The following SNX2 variants were observed in gnomAD, a reference collection of about 807,000 sequenced individuals.
SNX2 encodes sorting nexin-2.
In SNX2, 25 loss-of-function variants were observed where a neutral mutation model predicts 69.9. That is an observed-to-expected ratio of 0.36 (90% CI 0.26 to 0.50). The LOEUF is 0.50. Among genes scored for constraint, SNX2 ranks in the 20% least tolerant of loss-of-function variants. The pLI, the probability that SNX2 is intolerant of heterozygous loss-of-function variation, is 0.97. For synonymous variants in SNX2, 229 were observed against 200.4 expected, an observed-to-expected ratio of 1.14 and a Z score of -1.20; for missense variants, 551 against 613.3, an observed-to-expected ratio of 0.90 and a Z score of 1.07.
At chr5:122,793,106 G>A (rs983077810) in intron 1 of SNX2, among the ~76,000 whole-genome samples, 2 of 152,126 alleles carry the variant, frequency 1.3e-5, no homozygotes, top group Non-Finnish European at 2.9e-5. Flanking sequence ...CTGTGAGCCA[G>A]CTATTCCATT....
intron 7 of SNX2, among the ~76,000 whole-genome samples, chr5:122,809,811 GC>G (rs1753729520): frequency 6.6e-6 from 1 of 152,084 alleles, no homozygotes; most frequent in African/African-American, 2.4e-5. Context: ...TTTAAGAAAA[GC>G]TAAAGAATAT....
At chr5:122,782,054 T>C (rs944535287) in intron 1 of SNX2, among the ~76,000 whole-genome samples, 1 of 152,186 alleles carries the variant, frequency 6.6e-6, no homozygotes, top group Non-Finnish European at 1.5e-5. Flanking sequence ...CCTCTGCAGA[T>C]CTGATTGCTA....
rs946389776 is a variant in SNX2 at position 122,826,111 on chromosome 5, T to C, written c.1274T>C (p.Leu425Pro). 25 of 1,613,156 alleles carry C rather than the reference T, an allele frequency of 1.5e-5. No individual in the cohort carries two copies. In the Admixed American group the frequency reaches 3.5e-4, roughly 23 times the overall value. The change falls in exon 12 of 15, where the codon CTC (leucine) becomes CCC (proline). Residue 425 changes from leucine to proline, a missense_variant. Physicochemically the swap from Leu to Pro is moderately conservative, Grantham distance 98. This residue lies in a region of SNX2 where 360 missense variants were observed against 450.4 expected (regional missense o/e 0.80). Coordinates refer to ENST00000379516, the MANE Select transcript of SNX2 (RefSeq NM_003100.4). ...TGGGAAGATGCTCAAATTACTTTGC[T>C]CAAAAAACGTGAAGCTGAAGCAAAA... is the stretch of plus-strand genomic sequence containing the variant. The part of the protein sequence containing the change: ...QKWEDAQITL[L>P]KKREAEAKMM...
intron 6 of SNX2, 167 bp downstream of exon 6, chr5:122,803,780 G>T: frequency 1.9e-6 from 1 of 518,578 alleles, no homozygotes. Flanking sequence ...ATTGAAGAAT[G>T]TATTGGTAAT....
intron 7 of SNX2, 99 bp from the exon 8 acceptor site, chr5:122,815,797 G>A: frequency 1.8e-6 from 1 of 570,266 alleles, no homozygotes; most frequent in Non-Finnish European, 3.1e-6. Context: ...GAGGTAGTGA[G>A]GACACTTTTT....
At chr5:122,821,227 T>TG (rs1423085868) in intron 11 of SNX2, among the ~76,000 whole-genome samples, 2 of 152,224 alleles carry the variant, frequency 1.3e-5, no homozygotes, top group African/African-American at 4.8e-5. Flanking sequence ...AACTAAGACC[T>TG]GTAGTCTCTG....
intron 11 of SNX2, among the ~76,000 whole-genome samples, chr5:122,819,578 T>C (rs1286898265): frequency 1.3e-5 from 2 of 152,206 alleles, no homozygotes; most frequent in African/African-American, 4.8e-5. Flanking sequence ...TTCTGAATAG[T>C]TGAGAAAGTA....
intron 1 of SNX2, among the ~76,000 whole-genome samples, chr5:122,782,140 T>G (rs1225557702): frequency 6.6e-6 from 1 of 152,250 alleles, no homozygotes; most frequent in Non-Finnish European, 1.5e-5. Context: ...TTAATATATA[T>G]TCACTAATGC....
chr5:122,798,517 A>T (rs1216920992), intron 2 of SNX2, among the ~76,000 whole-genome samples: 2 of 152,174 alleles, frequency 1.3e-5, no homozygotes, highest in African/African-American at 4.8e-5. Flanking sequence ...TTGAGGTATT[A>T]AAATTAAAAT....
At chr5:122,779,617 G>T (rs752431294) in intron 1 of SNX2, among the ~76,000 whole-genome samples, 1 of 152,178 alleles carries the variant, frequency 6.6e-6, no homozygotes, top group African/African-American at 2.4e-5. Flanking sequence ...GAATAATGCC[G>T]TTAACATTCG....
chr5:122,826,970 CAT>C (rs1380595763), intron 12 of SNX2, among the ~76,000 whole-genome samples: 4 of 151,896 alleles, frequency 2.6e-5, no homozygotes, highest in African/African-American at 9.7e-5. Flanking sequence ...TTGAAGAACA[CAT>C]ATCCTTGGAT....
chr5:122,820,627 C>G (rs1327194323), intron 11 of SNX2, among the ~76,000 whole-genome samples: 2 of 152,038 alleles, frequency 1.3e-5, no homozygotes, highest in Non-Finnish European at 2.9e-5. Flanking sequence ...GGATATTGAT[C>G]CCTCAAAAAT....
chr5:122,800,597 A>C (rs981448648), intron 3 of SNX2, among the ~76,000 whole-genome samples: 1 of 152,176 alleles, frequency 6.6e-6, no homozygotes, highest in Non-Finnish European at 1.5e-5. Flanking sequence ...GGGAAGCAAA[A>C]GAGGGCCTCC....
At chr5:122,796,959 A>G (rs1753395820) in intron 2 of SNX2, among the ~76,000 whole-genome samples, 1 of 152,122 alleles carries the variant, frequency 6.6e-6, no homozygotes, top group African/African-American at 2.4e-5. Flanking sequence ...GACAGGTCTC[A>G]CTCTGTCACC....
At chr5:122,812,270 G>T (rs1485206133) in intron 7 of SNX2, among the ~76,000 whole-genome samples, 1 of 151,942 alleles carries the variant, frequency 6.6e-6, no homozygotes, top group Non-Finnish European at 1.5e-5. Context: ...GACTTTATAT[G>T]ACCTGCACGC....
Position 122,830,020 on chromosome 5 carries a change from C to T in SNX2, c.*372C>T, listed in dbSNP as rs1354003776. The T allele has an allele frequency of 5.8e-6, 1 of 173,000 alleles. No individual in the cohort carries two copies. The highest frequency in any genetic ancestry group is 1.2e-5 in the Non-Finnish European group (1 of 80,948). 10.7% of individuals were successfully genotyped at this position (173,000 alleles called of 1,614,324 possible). A position where few individuals can be genotyped will look rare whatever the true frequency, so the allele number is the denominator to read the frequency against. ...TTTACCCTCTTTATGAAGTGAATTA[C>T]CAATGCTTTGAATAATGTTCACTTA... On this transcript the variant is annotated 3_prime_UTR_variant, in exon 15 of 15. Coordinates refer to ENST00000379516, the MANE Select transcript of SNX2 (RefSeq NM_003100.4).
At chr5:122,828,231 C>T (rs7723757) in intron 14 of SNX2, among the ~76,000 whole-genome samples, 42 of 151,922 alleles carry the variant, frequency 2.8e-4, no homozygotes, top group Middle Eastern at 6.8e-3. Flanking sequence ...TGAAGGATTT[C>T]TTCCTTCCAG....
At chr5:122,822,678 G>A (rs893001736) in intron 11 of SNX2, among the ~76,000 whole-genome samples, 1 of 152,122 alleles carries the variant, frequency 6.6e-6, no homozygotes, top group Non-Finnish European at 1.5e-5. Context: ...TTCCTCTTTT[G>A]TATAGTACAT....
At chr5:122,786,380 C>A (rs1753089051) in intron 1 of SNX2, among the ~76,000 whole-genome samples, 1 of 151,850 alleles carries the variant, frequency 6.6e-6, no homozygotes, top group African/African-American at 2.4e-5. Flanking sequence ...GTTTTATTTG[C>A]TTACTGTTTT....
Sources: allele counts gnomAD v4.1 joint callset (sites outside exome capture counted in the v4.1 genomes callset), GRCh38; gene constraint gnomAD v4.1.1; regional missense constraint gnomAD v4.1.1; transcripts MANE v1.5; gene names NCBI Gene and HGNC (gene_info 2026-07-23, HGNC 2026-07-21).